Variants in ZBTB38 observed in about 807,000 individuals in gnomAD.
ZBTB38 encodes the protein zinc finger and BTB domain-containing protein 38.
Under a neutral mutation model 76.8 loss-of-function variants are expected in ZBTB38, and 20 were observed. The ratio of observed to expected loss-of-function variants is 0.26; its 90% CI spans 0.18 to 0.38. The LOEUF is 0.38. Ranked by LOEUF, ZBTB38 falls within the 10% of genes least tolerant of loss-of-function variation. ZBTB38 has a pLI of 1.00. For synonymous variants in ZBTB38, 504 were observed against 544.2 expected, an observed-to-expected ratio of 0.93 and a Z score of 1.03; for missense variants, 1,082 against 1,482.3, an observed-to-expected ratio of 0.73 and a Z score of 4.43.
intron 1 of ZBTB38, among the ~76,000 whole-genome samples, chr3:141,355,157 A>G (rs562099964): frequency 6.6e-6 from 1 of 152,252 alleles, no homozygotes; most frequent in East Asian, 1.9e-4. Flanking sequence ...CTCTCTTTCC[A>G]GGGAATCTCA....
intron 5 of ZBTB38, among the ~76,000 whole-genome samples, chr3:141,441,777 G>C: frequency 6.6e-6 from 1 of 152,212 alleles, no homozygotes; most frequent in African/African-American, 2.4e-5. Context: ...TTAGCCGGGC[G>C]TGGTGGCTCT....
At chr3:141,404,811 C>A (rs565540024) in intron 5 of ZBTB38, among the ~76,000 whole-genome samples, 9 of 152,190 alleles carry the variant, frequency 5.9e-5, no homozygotes, top group Non-Finnish European at 1.0e-4. Flanking sequence ...TCTGTGGGCA[C>A]AGCTCTGTGC....
At chr3:141,434,325 A>T (rs1331084299) in intron 5 of ZBTB38, 1 of 523,710 alleles carries the variant, frequency 1.9e-6, no homozygotes, top group Non-Finnish European at 2.4e-6. Flanking sequence ...TTCAGGCAGA[A>T]TGTAGAAGTC....
At position 141,445,215 on chromosome 3, in the gene ZBTB38, C is replaced by A; in HGVS notation, c.2827C>A (p.His943Asn). 6.2e-7 allele frequency: 1 copy of A among 1,614,026 alleles called. No individual in the cohort carries two copies. Among genetic ancestry groups the A allele is most frequent in the Non-Finnish European group, 8.5e-7 (1 of 1,179,994 alleles). The change falls in exon 6 of 6, where the codon CAC (histidine) becomes AAC (asparagine). Residue 943 changes from histidine to asparagine, a missense_variant. By Grantham distance (68) the His-to-Asn change is moderately conservative (BLOSUM62 1). Transcript: ENST00000321464. This position sits in a 1 kb window ranked among gnomAD's most constrained non-coding sequence, Gnocchi z 6.5. ...KMRKVNWRKE[H>N]GNRSPSHKCK... The stretch of plus-strand genomic sequence containing the variant: ...GAGGAAAGTCAACTGGAGGAAGGAG[C>A]ACGGAAACAGGAGCCCGAGCCATAA...
upstream of ZBTB38, among the ~76,000 whole-genome samples, chr3:141,363,939 G>C (rs1943887491): frequency 6.6e-6 from 1 of 152,136 alleles, no homozygotes; most frequent in Non-Finnish European, 1.5e-5. Flanking sequence ...CAAATATGAT[G>C]CCAAAAGTAC....
chr3:141,328,351 T>A (rs1942739653), intron 1 of ZBTB38, among the ~76,000 whole-genome samples: 1 of 152,236 alleles, frequency 6.6e-6, no homozygotes, highest in South Asian at 2.1e-4. Context: ...ATATCCCACA[T>A]GCACAGCACA....
intron 1 of ZBTB38, among the ~76,000 whole-genome samples, chr3:141,337,483 G>C (rs1943049502): frequency 1.3e-5 from 2 of 152,242 alleles, no homozygotes; most frequent in African/African-American, 4.8e-5. Flanking sequence ...GCAGTCCACA[G>C]AACAAAGCAG....
At chr3:141,419,674 A>G (rs1312507167) in intron 5 of ZBTB38, among the ~76,000 whole-genome samples, 1 of 152,142 alleles carries the variant, frequency 6.6e-6, no homozygotes, top group Non-Finnish European at 1.5e-5. Context: ...TAAGAAGGAA[A>G]ATAAGGAGGG....
At chr3:141,353,251 C>T (rs2148938362) in intron 1 of ZBTB38, among the ~76,000 whole-genome samples, 1 of 152,176 alleles carries the variant, frequency 6.6e-6, no homozygotes, top group South Asian at 2.1e-4. Context: ...TCTTTCTCTC[C>T]AAACCAAGCC....
intron 5 of ZBTB38, among the ~76,000 whole-genome samples, chr3:141,406,562 G>A (rs187837730): frequency 1.3e-5 from 2 of 152,166 alleles, no homozygotes; most frequent in African/African-American, 4.8e-5. Context: ...CAGGCAGAAG[G>A]GGGCTTTGCG....
chr3:141,431,341 A>AAAAAAAAAAATATATAT, intron 5 of ZBTB38, among the ~76,000 whole-genome samples: 5 of 103,286 alleles, frequency 4.8e-5, no homozygotes, highest in South Asian at 2.8e-4. Context: ...AAAAAAAAAA[A>AAAAAAAAAAATATATAT]ATATATATAT....
intron 1 of ZBTB38, among the ~76,000 whole-genome samples, chr3:141,326,068 C>A (rs1942664513): frequency 6.6e-6 from 1 of 152,062 alleles, no homozygotes; most frequent in Non-Finnish European, 1.5e-5. Context: ...ATATTGCTAT[C>A]TAAAATCATC....
intron 5 of ZBTB38, among the ~76,000 whole-genome samples, chr3:141,414,357 C>T (rs1241994139): frequency 6.6e-6 from 1 of 152,246 alleles, no homozygotes; most frequent in Non-Finnish European, 1.5e-5. Flanking sequence ...CCCTCAGTGG[C>T]AACCTGCCCA....
At chr3:141,325,155 G>A (rs1942635258) in intron 1 of ZBTB38, among the ~76,000 whole-genome samples, 1 of 152,180 alleles carries the variant, frequency 6.6e-6, no homozygotes, top group South Asian at 2.1e-4. Flanking sequence ...TTGATATTTA[G>A]AAAAGGTCAA....
rs901795440 is a variant in ZBTB38, at chr3:141,344,160, G to A, written c.-739+19704G>A. Among the ~76,000 whole-genome samples, 5 of 152,276 alleles carry A rather than the reference G, an allele frequency of 3.3e-5. No homozygotes were observed. In the South Asian group the frequency reaches 8.3e-4, roughly 25 times the overall value. On this transcript the variant is annotated intron_variant, in intron 1 of 7. Coordinates refer to the ZBTB38 transcript ENST00000509842. ...TCTGTTGCTGCTGTAGTAAGTCACC[G>A]AAAACTTGGTGGCTTAACACACACA...
chr3:141,446,018 T>A lies in ZBTB38; in HGVS notation c.*42T>A. The A allele has an allele frequency of 6.8e-7, 1 of 1,478,076 alleles. No homozygotes were observed. The highest frequency in any genetic ancestry group is 1.8e-4 in the Middle Eastern group (1 of 5,562). The allele number at this position is 1,478,076 out of a possible 1,614,324, so 91.6% of individuals were successfully genotyped here. On this transcript the variant is annotated 3_prime_UTR_variant, in exon 6 of 6. Transcript: ENST00000321464. ...AAATCTTCAAAAATATAGTTGGTGG[T>A]TTTTTTAGTTATGATTTAAGTTTAG...
intron 5 of ZBTB38, among the ~76,000 whole-genome samples, chr3:141,421,702 C>T (rs534579074): frequency 5.3e-5 from 8 of 152,302 alleles, no homozygotes; most frequent in South Asian, 2.1e-4. Context: ...CCCCTCACCC[C>T]ACTCCCCATC....
At chr3:141,367,167 T>C (rs181388868), upstream of ZBTB38, 61 of 152,432 alleles carry the variant, frequency 4.0e-4, no homozygotes, top group African/African-American at 1.4e-3. Context: ...CTTCTTCCTG[T>C]AGCCTTCTTG....
intron 5 of ZBTB38, chr3:141,438,212 CTTTT>C (rs1300606813): frequency 7.3e-6 from 1 of 137,598 alleles, no homozygotes; most frequent in Non-Finnish European, 1.6e-5. Flanking sequence ...CACTTTCTTT[CTTTT>C]TTTTTTTTCT....
Sources: gnomAD v4.1 joint callset for allele counts (sites outside exome capture counted in the v4.1 genomes callset) on GRCh38, gnomAD v4.1.1 for gene constraint, Gnocchi (gnomAD v3.1) non-coding constraint, MANE v1.5 for transcripts, NCBI Gene and HGNC (gene_info 2026-07-23, HGNC 2026-07-21) for gene names.